Variants in SPTBN4 observed in about 807,000 individuals in gnomAD.
SPTBN4 encodes spectrin beta, non-erythrocytic 4.
In SPTBN4, 96 loss-of-function variants were observed where a neutral mutation model predicts 277.8. The ratio of observed to expected loss-of-function variants is 0.35; its 90% CI spans 0.29 to 0.41. The LOEUF (loss-of-function observed/expected upper bound fraction) is 0.41. Ranked by LOEUF, SPTBN4 falls within the 10% of genes least tolerant of loss-of-function variation. The pLI is 1.00. For synonymous variants in SPTBN4, 1,481 were observed against 1,580.3 expected (o/e 0.94, Z 1.49); for missense variants, 3,006 against 3,595.7 (o/e 0.84, Z 4.19).
intron 26 of SPTBN4, among the ~76,000 whole-genome samples, chr19:40,559,096 A>G (rs1387089614): frequency 6.7e-6 from 1 of 150,024 alleles, no homozygotes; most frequent in Non-Finnish European, 1.5e-5. Context: ...CACCCAGCTA[A>G]TTTTTGTATT....
intron 25 of SPTBN4, among the ~76,000 whole-genome samples, chr19:40,556,573 A>T (rs114876221): frequency 0.014 from 2,008 of 139,482 alleles, 36 homozygotes; most frequent in African/African-American, 0.05. Context: ...TAAGTGTTAG[A>T]TATTATTTTT....
intron 35 of SPTBN4, among the ~76,000 whole-genome samples, chr19:40,574,639 G>A (rs1395485242): frequency 6.6e-6 from 1 of 152,126 alleles, no homozygotes; most frequent in African/African-American, 2.4e-5. Flanking sequence ...TGGGATTACA[G>A]GCATGAGCCA....
Position 40,467,139 on chromosome 19 carries a change from G to C in SPTBN4, c.-182G>C, listed in dbSNP as rs984567978. On this transcript the variant is annotated 5_prime_UTR_variant, in exon 1 of 36. Transcript: ENST00000598249. ...CGCTGAGCGCGGCGGCGGCGCGAGA[G>C]AGGGAGGCGCGGCGGCGCATGCGGA... 1 of 148,926 alleles carries C rather than the reference G, an allele frequency of 6.7e-6. No individual in the cohort carries two copies. Among genetic ancestry groups the C allele is most frequent in the African/African-American group, 2.4e-5 (1 of 41,044 alleles). 9.2% of individuals were successfully genotyped at this position (148,926 alleles called of 1,614,324 possible).
intron 6 of SPTBN4, among the ~76,000 whole-genome samples, chr19:40,496,917 A>G (rs2080203618): frequency 2.0e-5 from 3 of 151,784 alleles, no homozygotes; most frequent in Admixed American, 2.0e-4. Context: ...TACTAAAAAT[A>G]TAAAAATTAG....
rs746025130 is a variant in SPTBN4 at position 40,568,179 on chromosome 19, C to T, written c.6853C>T (p.Arg2285Cys). The T allele has an allele frequency of 4.4e-6, 7 of 1,590,456 alleles. No individual in the cohort carries two copies. The highest frequency in any genetic ancestry group is 6.0e-6 in the Non-Finnish European group (7 of 1,169,008). The stretch of plus-strand genomic sequence containing the variant: ...GGCGGCACACAGCCTTACCCTGGGC[C>T]GCTATGAGCAGATGGAGCGGCGGCG... ...HEAAHSLTLG[R>C]YEQMERRRER... Residue 2285 changes from arginine (R) to cysteine (C), a missense_variant, in exon 31 of 36, where the codon CGC becomes TGC. Arg to Cys is a radical substitution (Grantham distance 180). Around this residue, in one of 5 missense-constraint regions of SPTBN4, gnomAD observed 630 missense variants for 677.6 expected, o/e 0.93. Coordinates refer to ENST00000598249, the MANE Select transcript of SPTBN4 (RefSeq NM_020971.3).
chr19:40,488,248 G>C (rs1220466893), intron 3 of SPTBN4, among the ~76,000 whole-genome samples: 1 of 152,004 alleles, frequency 6.6e-6, no homozygotes, highest in African/African-American at 2.4e-5. Flanking sequence ...TTGCGGGTTG[G>C]GGGTGGGTAG....
intron 17 of SPTBN4, among the ~76,000 whole-genome samples, chr19:40,524,268 G>T (rs1321691736): frequency 1.1e-4 from 16 of 152,028 alleles, no homozygotes; most frequent in Admixed American, 8.5e-4. Context: ...ACTTCGGTAG[G>T]CTGAGACGGG....
chr19:40,543,811 A>G (rs1375665490), intron 20 of SPTBN4, among the ~76,000 whole-genome samples: 1 of 152,194 alleles, frequency 6.6e-6, no homozygotes, highest in Non-Finnish European at 1.5e-5. Context: ...GTGTGCATCC[A>G]TCTAGACCTC....
At chr19:40,559,411 G>A (rs1052225181) in intron 26 of SPTBN4, among the ~76,000 whole-genome samples, 2 of 152,006 alleles carry the variant, frequency 1.3e-5, no homozygotes, top group Admixed American at 1.3e-4. Flanking sequence ...ACTTTGGGAG[G>A]CCAACCTGGG....
intron 18 of SPTBN4, among the ~76,000 whole-genome samples, chr19:40,532,295 G>A (rs1327543094): frequency 6.6e-6 from 1 of 151,580 alleles, no homozygotes; most frequent in Non-Finnish European, 1.5e-5. Context: ...TTTTGGGGGG[G>A]GTGATCTGTC....
Position 40,549,328 on chromosome 19 carries a change from T to C in SPTBN4, c.4499T>C (p.Leu1500Pro). Residue 1500 changes from leucine (L) to proline (P), a missense_variant, in exon 21 of 36, where the codon CTG (leucine) becomes CCG (proline). Coordinates refer to ENST00000598249, the MANE Select transcript of SPTBN4 (RefSeq NM_020971.3). The part of the protein sequence containing the change: ...QNAVGERLVR[L>P]LEPLQERRRL... The stretch of plus-strand genomic sequence containing the variant: ...GCGGTGGGCGAGCGCCTGGTGCGCC[T>C]GCTCGAGCCGTTGCAGGAGCGCCGC... 1 of 1,537,970 alleles carries C rather than the reference T, an allele frequency of 6.5e-7. No individual in the cohort carries two copies. The highest frequency in any genetic ancestry group is 8.7e-7 in the Non-Finnish European group (1 of 1,145,566).
intron 19 of SPTBN4, among the ~76,000 whole-genome samples, chr19:40,533,826 T>G (rs2080704790): frequency 6.6e-6 from 1 of 152,128 alleles, no homozygotes; most frequent in African/African-American, 2.4e-5. Context: ...TCTCCCTGTA[T>G]CTTTCTGTCT....
rs1463833786 is a variant in SPTBN4 at position 40,519,842 on chromosome 19, G to A, written c.3345G>A (p.Glu1115=). The change falls in exon 16 of 36, where the codon GAG becomes GAA. Residue 1115 remains glutamate, a synonymous_variant. Transcript: ENST00000598249. The surrounding 1 kb of genome is among the most constrained non-coding windows in gnomAD (Gnocchi z 5.7). ...VRAQEAAGGS[E]GPLPNSLEEA... is the part of the protein sequence containing the mutation. ...CCCAGGAGGCGGCGGGCGGCAGCGA[G>A]GGGCCCCTGCCCAACAGCCTAGAAG... is the stretch of plus-strand genomic sequence containing the variant. The A allele has an allele frequency of 7.6e-6, 11 of 1,441,104 alleles. No individual in the cohort carries two copies. Among genetic ancestry groups the A allele is most frequent in the African/African-American group, 1.5e-5 (1 of 66,610 alleles). 89.3% of individuals were successfully genotyped at this position (1,441,104 alleles called of 1,614,324 possible).
intron 6 of SPTBN4, among the ~76,000 whole-genome samples, chr19:40,496,578 C>T (rs533494563): frequency 1.3e-5 from 2 of 152,264 alleles, no homozygotes; most frequent in African/African-American, 4.8e-5. Context: ...GCCACCATGC[C>T]CGGCTGGCAG....
intron 2 of SPTBN4, among the ~76,000 whole-genome samples, chr19:40,477,450 C>G (rs2079961880): frequency 6.6e-6 from 1 of 152,118 alleles, no homozygotes; most frequent in Non-Finnish European, 1.5e-5. Context: ...CCTGCCCCCA[C>G]AGGACTCATA....
At chr19:40,573,728 G>A (rs1393336130) in intron 35 of SPTBN4, among the ~76,000 whole-genome samples, 2 of 152,088 alleles carry the variant, frequency 1.3e-5, no homozygotes, top group Non-Finnish European at 2.9e-5. Context: ...GCTTGAACCC[G>A]GAAGGCAGAG....
rs140931486 is a variant in SPTBN4, at chr19:40,568,956, G to A, written c.6956+674G>A. ...CCTGGCATGTGCTGAGTCGAGCGGTGACTGAACCAGTCCCATCCCTGACTT... is the reference window on the plus strand; with the variant it reads ...CCTGGCATGTGCTGAGTCGAGCGGTAACTGAACCAGTCCCATCCCTGACTT... On this transcript the variant is annotated intron_variant, in intron 31 of 35. Coordinates refer to ENST00000598249, the MANE Select transcript of SPTBN4 (RefSeq NM_020971.3). Among the ~76,000 whole-genome samples, 50 of 152,248 alleles carry A rather than the reference G, an allele frequency of 3.3e-4. No homozygotes were observed. In the East Asian group the frequency reaches 6.4e-3, roughly 19 times the overall value.
chr19:40,568,700 G>T (rs992310028), intron 31 of SPTBN4, among the ~76,000 whole-genome samples: 4 of 152,166 alleles, frequency 2.6e-5, no homozygotes, highest in Admixed American at 2.6e-4. Context: ...TGAAGTGGGG[G>T]CTGTTGTCTT....
chr19:40,504,180 G>C, intron 12 of SPTBN4, 48 bp downstream of exon 12: 1 of 1,532,606 alleles, frequency 6.5e-7, no homozygotes, highest in Non-Finnish European at 8.9e-7. Context: ...GGAGGGAGGG[G>C]AGGATGCAGA....
Sources: allele counts gnomAD v4.1 joint callset (sites outside exome capture counted in the v4.1 genomes callset), GRCh38; gene constraint gnomAD v4.1.1; regional missense constraint gnomAD v4.1.1; non-coding constraint Gnocchi (gnomAD v3.1); transcripts MANE v1.5; gene names NCBI Gene and HGNC (gene_info 2026-07-23, HGNC 2026-07-21).